The following SRP68 variants were observed in gnomAD, a reference collection of about 807,000 sequenced individuals.
The protein encoded by SRP68 is signal recognition particle subunit SRP68.
Under a neutral mutation model 82.2 loss-of-function variants are expected in SRP68, and 15 were observed. That is an observed-to-expected ratio of 0.18 (90% CI 0.12 to 0.28). The LOEUF (loss-of-function observed/expected upper bound fraction) is 0.28, where lower values mean the gene tolerates loss of function less well. Among genes scored for constraint, SRP68 ranks in the 10% least tolerant of loss-of-function variants. The pLI is 1.00. For synonymous variants in SRP68, 261 were observed against 292.6 expected, an observed-to-expected ratio of 0.89 and a Z score of 1.10; for missense variants, 595 against 780.5, an observed-to-expected ratio of 0.76 and a Z score of 2.83.
At chr17:76,049,789 T>C (rs1021022751) in intron 9 of SRP68, 14 of 152,208 alleles carry the variant, frequency 9.2e-5, no homozygotes, top group African/African-American at 2.9e-4. Context: ...ATGCTGCCTA[T>C]GGGGTTTATC....
chr17:76,042,278 G>A (rs921380491), intron 13 of SRP68, among the ~76,000 whole-genome samples: 2 of 152,000 alleles, frequency 1.3e-5, no homozygotes, highest in African/African-American at 2.4e-5. Context: ...ATCACAGCAC[G>A]CCACAAGCTT....
At chr17:76,053,154 A>T (rs1237909691) in intron 8 of SRP68, among the ~76,000 whole-genome samples, 3 of 150,910 alleles carry the variant, frequency 2.0e-5, no homozygotes, top group Non-Finnish European at 4.4e-5. Flanking sequence ...GGTCCCAGCT[A>T]TTCCAGGAGG....
At chr17:76,055,529 G>A (rs536311363) in intron 8 of SRP68, among the ~76,000 whole-genome samples, 2 of 152,012 alleles carry the variant, frequency 1.3e-5, no homozygotes, top group South Asian at 4.2e-4. Context: ...GCTGAGGCGG[G>A]TGGATCACGA....
In SRP68 at chr17:76,072,156, C is replaced by CG. The variant is rs397953549; in HGVS notation, c.184+151dup. 2 of 1,450,524 alleles carry CG rather than the reference C, an allele frequency of 1.4e-6. No individual in the cohort carries two copies. Among genetic ancestry groups the CG allele is most frequent in the Non-Finnish European group, 1.9e-6 (2 of 1,080,924 alleles). 89.9% of individuals were successfully genotyped at this position (1,450,524 alleles called of 1,614,324 possible). A position where few individuals can be genotyped will look rare whatever the true frequency, so the allele number is the denominator to read the frequency against. On this transcript the variant is annotated intron_variant, in intron 1 of 15. Coordinates refer to ENST00000307877, the MANE Select transcript of SRP68 (RefSeq NM_014230.4). The surrounding 1 kb of genome is among the most constrained non-coding windows in gnomAD (Gnocchi z 4.5). ...GACTAGTCGAGAGACAGACCCCCCCCGGAATTCTGAGCACCAAAAGGTAAG... is the reference window on the plus strand; with the variant it reads ...GACTAGTCGAGAGACAGACCCCCCCCGGGAATTCTGAGCACCAAAAGGTAAG...
chr17:76,053,538 TTAAC>T (rs2066691109), intron 8 of SRP68: 1 of 985,390 alleles, frequency 1.0e-6, no homozygotes, highest in Non-Finnish European at 1.2e-6. Flanking sequence ...TCTGCTCCCT[TTAAC>T]TAAGCCTCTG....
chr17:76,063,034 T>G (rs1033709963), intron 4 of SRP68, among the ~76,000 whole-genome samples: 1 of 151,276 alleles, frequency 6.6e-6, no homozygotes, highest in Non-Finnish European at 1.5e-5. Context: ...CCTCCCAAAG[T>G]GCTGGGATTA....
chr17:76,063,623 C>T (rs867693207), intron 4 of SRP68, among the ~76,000 whole-genome samples: 8 of 149,166 alleles, frequency 5.4e-5, no homozygotes, highest in East Asian at 2.0e-4. Context: ...GACAGGCAGA[C>T]GTTGCAGTGA....
intron 11 of SRP68, 135 bp downstream of exon 11, chr17:76,045,903 G>T: frequency 9.2e-7 from 1 of 1,081,882 alleles, no homozygotes; most frequent in Non-Finnish European, 1.4e-6. Flanking sequence ...ACTGGTGTAA[G>T]ATCTTTGTCT....
chr17:76,046,713 G>A (rs577312029), intron 10 of SRP68, among the ~76,000 whole-genome samples: 35 of 152,204 alleles, frequency 2.3e-4, no homozygotes, highest in Non-Finnish European at 4.4e-5. Context: ...AGGCCGAGGC[G>A]GGCGGATCAT....
chr17:76,052,166 C>T (rs1333895586), intron 8 of SRP68, among the ~76,000 whole-genome samples: 2 of 152,178 alleles, frequency 1.3e-5, no homozygotes, highest in Non-Finnish European at 2.9e-5. Context: ...CAGGCAGGAG[C>T]CACAGAGCCT....
At chr17:76,061,283 A>G in intron 5 of SRP68, 64 bp from the exon 6 acceptor site, 1 of 1,198,496 alleles carries the variant, frequency 8.3e-7, no homozygotes, top group East Asian at 2.3e-5. Context: ...TGGGGAACAC[A>G]GTGACTAAAA....
At chr17:76,041,086 C>A in intron 13 of SRP68, 108 bp from the exon 14 acceptor site, 1 of 759,080 alleles carries the variant, frequency 1.3e-6, no homozygotes, top group South Asian at 1.7e-5. Flanking sequence ...GGACTTTAGA[C>A]TTTCTAAACG....
rs530319793 is a variant in SRP68 at position 76,060,144 on chromosome 17, A to G, written c.837+164T>C. ...CCATCTCAAAAAAAAAAAAAAAAAA[A>G]AAAAAAGAAAAAGTTTTTTGTTCAA... On this transcript the variant is annotated intron_variant, in intron 7 of 15. Coordinates refer to ENST00000307877, the MANE Select transcript of SRP68 (RefSeq NM_014230.4). Among the ~76,000 whole-genome samples the G allele has an allele frequency of 3.1e-4, 45 of 143,426 alleles. No individual in the cohort carries two copies. The South Asian group carries it at 5.0e-3, about 16-fold the overall frequency. The allele number at this position is 143,426 out of a possible 152,430, so 94.1% of individuals were successfully genotyped here.
chr17:76,060,664 A>C (rs1326603466), intron 6 of SRP68: 1 of 395,752 alleles, frequency 2.5e-6, no homozygotes, highest in African/African-American at 2.1e-5. Context: ...CCTGATGTAA[A>C]CTATGGACTT....
chr17:76,046,227 C>T, intron 10 of SRP68, 33 bp from the exon 11 acceptor site: 1 of 1,611,332 alleles, frequency 6.2e-7, no homozygotes, highest in Non-Finnish European at 8.5e-7. Context: ...TCAAGTTATA[C>T]TCAGAGAAGC....
intron 7 of SRP68, among the ~76,000 whole-genome samples, chr17:76,057,877 G>A (rs894858304): frequency 1.1e-4 from 17 of 152,172 alleles, no homozygotes; most frequent in African/African-American, 3.1e-4. Context: ...GTTTCACCAC[G>A]TTGGCCAGAC....
intron 7 of SRP68, among the ~76,000 whole-genome samples, chr17:76,058,728 A>G (rs1005626019): frequency 6.6e-6 from 1 of 152,256 alleles, no homozygotes; most frequent in Non-Finnish European, 1.5e-5. Flanking sequence ...GCTAATCAGT[A>G]GAAACTTAAA....
chr17:76,040,745 C>T lies in SRP68; in HGVS notation c.1600+158G>A. On this transcript the variant is annotated intron_variant, in intron 14 of 15. Coordinates refer to ENST00000307877, the MANE Select transcript of SRP68 (RefSeq NM_014230.4). Reference sequence around the variant, plus strand: ...ACAGTGCACTCGAAATGCTTCTACACAATCTGATGCCCAGCTGGCACAAGT... The same window carrying T: ...ACAGTGCACTCGAAATGCTTCTACATAATCTGATGCCCAGCTGGCACAAGT... The T allele has an allele frequency of 4.1e-6, 3 of 727,066 alleles. 1 individual carries two copies. Among genetic ancestry groups the T allele is most frequent in the Middle Eastern group, 7.9e-4 (2 of 2,536 alleles). 45.0% of individuals were successfully genotyped at this position (727,066 alleles called of 1,614,324 possible). A position where few individuals can be genotyped will look rare whatever the true frequency, so the allele number is the denominator to read the frequency against.
At chr17:76,046,926 G>A (rs551992661) in intron 10 of SRP68, among the ~76,000 whole-genome samples, 1 of 152,282 alleles carries the variant, frequency 6.6e-6, no homozygotes, top group Admixed American at 6.5e-5. Context: ...GGGCGACAGA[G>A]CGAGACTCCA....
Sources: gnomAD v4.1 joint callset for allele counts (sites outside exome capture counted in the v4.1 genomes callset) on GRCh38, gnomAD v4.1.1 for gene constraint, Gnocchi (gnomAD v3.1) non-coding constraint, MANE v1.5 for transcripts, NCBI Gene and HGNC (gene_info 2026-07-23, HGNC 2026-07-21) for gene names.